CDH12: variants seen among roughly 807,000 people sequenced by gnomAD.
CDH12 encodes the protein cadherin-12.
Under a neutral mutation model 74.1 loss-of-function variants are expected in CDH12, and 41 were observed. That is an observed-to-expected ratio of 0.55 (90% CI 0.43 to 0.72). The LOEUF (loss-of-function observed/expected upper bound fraction) is 0.72. CDH12 is among the 30% of genes least tolerant of loss of function. The pLI, the probability that CDH12 is intolerant of heterozygous loss-of-function variation, is 0.00. For missense variants in CDH12, 945 were observed against 977.2 expected, an observed-to-expected ratio of 0.97 and a Z score of 0.44; for synonymous variants, 399 against 355.0, an observed-to-expected ratio of 1.12 and a Z score of -1.39.
intron 6 of CDH12, among the ~76,000 whole-genome samples, chr5:21,859,491 C>A (rs1750922334): frequency 6.6e-6 from 1 of 151,930 alleles, no homozygotes. Flanking sequence ...GCTGTATATG[C>A]TCTGAATCAG....
intron 2 of CDH12, among the ~76,000 whole-genome samples, chr5:22,443,636 C>T (rs773462296): frequency 2.6e-5 from 4 of 151,822 alleles, no homozygotes; most frequent in Admixed American, 6.6e-5. Context: ...GATACAAACG[C>T]ATAAAAATAA....
intron 2 of CDH12, among the ~76,000 whole-genome samples, chr5:22,417,531 A>G (rs534264191): frequency 1.3e-5 from 2 of 152,346 alleles, no homozygotes; most frequent in South Asian, 4.1e-4. Flanking sequence ...GAGTTCCTTC[A>G]TCCTGGACTT....
intron 6 of CDH12, among the ~76,000 whole-genome samples, chr5:21,925,391 T>C (rs1463156991): frequency 6.6e-6 from 1 of 152,194 alleles, no homozygotes; most frequent in Non-Finnish European, 1.5e-5. Context: ...TAATTATAAC[T>C]GACACAAACA....
chr5:22,474,905 A>G (rs1746107041), intron 2 of CDH12, among the ~76,000 whole-genome samples: 1 of 152,020 alleles, frequency 6.6e-6, no homozygotes, highest in Non-Finnish European at 1.5e-5. Context: ...TAATGAACCA[A>G]ACTAACAAAT....
At chr5:22,222,398 T>C (rs1237951452) in intron 3 of CDH12, among the ~76,000 whole-genome samples, 2 of 152,092 alleles carry the variant, frequency 1.3e-5, no homozygotes, top group East Asian at 1.9e-4. Context: ...ATTAGGTTCT[T>C]GATTTCTGGC....
intron 2 of CDH12, among the ~76,000 whole-genome samples, chr5:22,466,168 G>A (rs914897027): frequency 3.3e-5 from 5 of 152,148 alleles, no homozygotes; most frequent in African/African-American, 4.8e-5. Context: ...CCAGCCCTTG[G>A]CCAGATGTTG....
intron 3 of CDH12, among the ~76,000 whole-genome samples, chr5:22,345,025 T>A (rs925270388): frequency 6.6e-6 from 1 of 152,228 alleles, no homozygotes; most frequent in Non-Finnish European, 1.5e-5. Context: ...AAACTGCCCG[T>A]GTTCTGACGA....
intron 2 of CDH12, among the ~76,000 whole-genome samples, chr5:22,437,225 A>AAAT (rs929752087): frequency 1.6e-4 from 25 of 152,042 alleles, no homozygotes; most frequent in African/African-American, 5.8e-4. Context: ...TACCTAAATT[A>AAAT]AATATACTAA....
intron 1 of CDH12, among the ~76,000 whole-genome samples, chr5:22,766,834 G>A (rs1746539918): frequency 6.6e-6 from 1 of 152,160 alleles, no homozygotes; most frequent in South Asian, 2.1e-4. Context: ...GTGTATGGGA[G>A]GATGTGCATA....
At chr5:21,960,278 C>A (rs1322758754) in intron 6 of CDH12, among the ~76,000 whole-genome samples, 3 of 152,164 alleles carry the variant, frequency 2.0e-5, no homozygotes, top group African/African-American at 7.2e-5. Context: ...AAATTGACCA[C>A]ATAATGCCTT....
At chr5:22,750,536 G>T (rs543265897) in intron 1 of CDH12, among the ~76,000 whole-genome samples, 1 of 152,200 alleles carries the variant, frequency 6.6e-6, no homozygotes, top group South Asian at 2.1e-4. Context: ...ATATTACAAG[G>T]TGTGAGATAT....
chr5:22,754,585 A>G (rs1745788199), intron 1 of CDH12, among the ~76,000 whole-genome samples: 1 of 148,846 alleles, frequency 6.7e-6, no homozygotes, highest in South Asian at 2.1e-4. Context: ...AAAAAAAAAA[A>G]CAACAGCAGC....
intron 1 of CDH12, among the ~76,000 whole-genome samples, chr5:22,519,506 C>A (rs1736955580): frequency 6.6e-6 from 1 of 150,868 alleles, no homozygotes; most frequent in Non-Finnish European, 1.5e-5. Flanking sequence ...TCACTGCAAA[C>A]TCCACCTCCT....
chr5:22,828,671 A>G (rs939688470), intron 1 of CDH12, among the ~76,000 whole-genome samples: 1 of 152,156 alleles, frequency 6.6e-6, no homozygotes, highest in Non-Finnish European at 1.5e-5. Context: ...TTGGATTATA[A>G]TATCTTGCAT....
At chr5:21,964,241 T>TA (rs1333164995) in intron 6 of CDH12, among the ~76,000 whole-genome samples, 1 of 152,102 alleles carries the variant, frequency 6.6e-6, no homozygotes, top group Non-Finnish European at 1.5e-5. Flanking sequence ...GGCGCTTATT[T>TA]AAACTCATCT....
chr5:21,787,160 A>G (rs1025023442), intron 10 of CDH12, among the ~76,000 whole-genome samples: 1 of 152,218 alleles, frequency 6.6e-6, no homozygotes, highest in South Asian at 2.1e-4. Flanking sequence ...ATTGACTCCA[A>G]TTTTGAAAGG....
In CDH12 at chr5:22,101,138, T is replaced by C. The variant is rs376166146; in HGVS notation, c.-186-22276A>G. ...ATTACTTATATTAATGCCCAGAACT[T>C]TGCTCATTTCTTCAGCATGCAAATA... On this transcript the variant is annotated intron_variant, in intron 4 of 14. Coordinates refer to ENST00000382254, the MANE Select transcript of CDH12 (RefSeq NM_004061.5). 7.2e-5 allele frequency among the ~76,000 whole-genome samples: 11 copies of C among 152,202 alleles called. No homozygotes were observed. The East Asian group carries it at 1.2e-3, about 16-fold the overall frequency.
At chr5:22,696,029 T>A (rs187967939) in intron 1 of CDH12, among the ~76,000 whole-genome samples, 13 of 152,302 alleles carry the variant, frequency 8.5e-5, no homozygotes, top group African/African-American at 3.1e-4. Flanking sequence ...AAATAGTATT[T>A]GTCTCTTAAT....
chr5:22,144,029 G>C (rs542415837), intron 4 of CDH12: 62 of 151,650 alleles, frequency 4.1e-4, no homozygotes, highest in African/African-American at 1.2e-3. Context: ...TTGACGTACT[G>C]ATTATTCATT....
Sources: gnomAD v4.1 joint callset for allele counts (sites outside exome capture counted in the v4.1 genomes callset) on GRCh38, gnomAD v4.1.1 for gene constraint, MANE v1.5 for transcripts, NCBI Gene and HGNC (gene_info 2026-07-23, HGNC 2026-07-21) for gene names.